The following CTTN variants were observed in gnomAD, a reference collection of about 807,000 sequenced individuals.
CTTN encodes cortactin.
Under a neutral mutation model 84.0 loss-of-function variants are expected in CTTN, and 28 were observed. The ratio of observed to expected loss-of-function variants is 0.33; its 90% CI spans 0.25 to 0.46. CTTN has a LOEUF of 0.46. Among genes scored for constraint, CTTN ranks in the 20% least tolerant of loss-of-function variants. The pLI is 1.00. For missense variants in CTTN, 641 were observed against 723.8 expected (o/e 0.89, Z 1.31); for synonymous variants, 301 against 288.8 (o/e 1.04, Z -0.43).
At position 70,435,154 on chromosome 11, in the gene CTTN, C is replaced by T. The variant is rs758711843; in HGVS notation, c.1645C>T (p.Arg549Trp). Reference protein sequence around the residue: ...GLFPANYVELRQ With the variant: ...GLFPANYVELWQ The stretch of plus-strand genomic sequence containing the variant: ...CTTCCCAGCCAACTATGTGGAGCTG[C>T]GGCAGTAGGGCCCCCAGCCCCCCCC... Residue 549 changes from arginine to tryptophan, a missense_variant, in exon 18 of 18, where the codon CGG becomes TGG. Arg to Trp is a moderately radical substitution (Grantham distance 101). Coordinates refer to ENST00000301843, the MANE Select transcript of CTTN (RefSeq NM_005231.4). The T allele has an allele frequency of 3.1e-6, 5 of 1,601,562 alleles. No individual in the cohort carries two copies. The highest frequency in any genetic ancestry group is 2.3e-5 in the East Asian group (1 of 44,164).
chr11:70,422,696 C>T, intron 11 of CTTN: 2 of 1,441,648 alleles, frequency 1.4e-6, no homozygotes, highest in East Asian at 3.0e-5. Flanking sequence ...CCTGCCCCTC[C>T]TGCCCCTCAG....
At chr11:70,403,013 G>C (rs2058004122) in intron 1 of CTTN, among the ~76,000 whole-genome samples, 1 of 152,208 alleles carries the variant, frequency 6.6e-6, no homozygotes, top group Middle Eastern at 3.4e-3. Context: ...TGGGTATGAG[G>C]TGGGTTCTCA....
intron 14 of CTTN, among the ~76,000 whole-genome samples, chr11:70,430,557 A>G (rs1591450901): frequency 6.6e-6 from 1 of 152,282 alleles, no homozygotes; most frequent in East Asian, 1.9e-4. Context: ...CAGGCAGTCC[A>G]GAGTTCTCCC....
chr11:70,422,454 C>T (rs770188445), intron 11 of CTTN: 12 of 1,224,688 alleles, frequency 9.8e-6, no homozygotes, highest in South Asian at 6.3e-5. Flanking sequence ...GTTGCTGCAA[C>T]GGAAGTCTTT....
At chr11:70,415,615 T>C (rs1413751331) in intron 6 of CTTN, 48 bp from the exon 7 acceptor site, 1 of 1,479,492 alleles carries the variant, frequency 6.8e-7, no homozygotes, top group Non-Finnish European at 9.5e-7. Flanking sequence ...TTCAGGGACA[T>C]TGGAAAGTAT....
In CTTN at chr11:70,435,267, T is replaced by C; in HGVS notation, c.*105T>C. The stretch of plus-strand genomic sequence containing the variant: ...GGGTTTTTTCTGTTTTTTTTTTTTT[T>C]TTTTTTTTTTTGAAGGTGGGGAGGG... On this transcript the variant is annotated 3_prime_UTR_variant, in exon 18 of 18. Transcript: ENST00000301843. 13 of 1,390,956 alleles carry C rather than the reference T, an allele frequency of 9.3e-6. No individual in the cohort carries two copies. The highest frequency in any genetic ancestry group is 1.2e-5 in the Non-Finnish European group (13 of 1,077,942). 86.2% of individuals were successfully genotyped at this position (1,390,956 alleles called of 1,614,324 possible).
At chr11:70,426,916 A>G (rs1014978217) in intron 13 of CTTN, among the ~76,000 whole-genome samples, 1 of 151,592 alleles carries the variant, frequency 6.6e-6, no homozygotes, top group African/African-American at 2.4e-5. Context: ...TTTTATCTTT[A>G]GTAGAGATGA....
chr11:70,421,343 C>A lies in CTTN; in HGVS notation c.791-127C>A, dbSNP rs1325514872. ...GAGCCTGGGAGTAGGATCTCAAAGG[C>A]CCTAAGCTCAGGAGAGCCCTTGCTT... On this transcript the variant is annotated intron_variant, in intron 10 of 17. Coordinates refer to ENST00000301843, the MANE Select transcript of CTTN (RefSeq NM_005231.4). The A allele has an allele frequency of 4.1e-6, 3 of 733,880 alleles. No individual in the cohort carries two copies. In the African/African-American group the frequency reaches 5.2e-5, roughly 13 times the overall value. The allele number at this position is 733,880 out of a possible 1,614,324, so 45.5% of individuals were successfully genotyped here. A position where few individuals can be genotyped will look rare whatever the true frequency, so the allele number is the denominator to read the frequency against.
At chr11:70,423,124 G>A in intron 12 of CTTN, 129 bp downstream of exon 12, 1 of 1,152,650 alleles carries the variant, frequency 8.7e-7, no homozygotes, top group African/African-American at 1.5e-5. Context: ...GGTGGTGGTG[G>A]TGGTGGCGAT....
chr11:70,408,768 G>A (rs2058070339), intron 4 of CTTN, among the ~76,000 whole-genome samples: 1 of 152,160 alleles, frequency 6.6e-6, no homozygotes, highest in African/African-American at 2.4e-5. Context: ...TTCCACAGAA[G>A]CAGCTTCGGA....
chr11:70,422,496 T>C, intron 11 of CTTN: 1 of 1,289,680 alleles, frequency 7.8e-7, no homozygotes, highest in Non-Finnish European at 1.0e-6. Flanking sequence ...GATTTTTTTT[T>C]TCTCTTAAAA....
chr11:70,413,246 G>T (rs1251815113), intron 5 of CTTN, among the ~76,000 whole-genome samples: 1 of 152,206 alleles, frequency 6.6e-6, no homozygotes, highest in East Asian at 1.9e-4. Flanking sequence ...TAGCATGAGT[G>T]GCTCCACATG....
At chr11:70,427,130 A>C (rs1177571312) in intron 13 of CTTN, among the ~76,000 whole-genome samples, 1 of 151,700 alleles carries the variant, frequency 6.6e-6, no homozygotes, top group Non-Finnish European at 1.5e-5. Flanking sequence ...TGGGTGGATC[A>C]CCTGAGGTCA....
chr11:70,423,495 C>T (rs2058266135), intron 12 of CTTN, among the ~76,000 whole-genome samples: 1 of 152,222 alleles, frequency 6.6e-6, no homozygotes, highest in African/African-American at 2.4e-5. Context: ...GTGGCAGGGT[C>T]AGTCCTTGCC....
Position 70,436,446 on chromosome 11 carries a change from C to G in CTTN, c.*1284C>G. The G allele has an allele frequency of 1.3e-6, 2 of 1,578,026 alleles. No homozygotes were observed. The highest frequency in any genetic ancestry group is 1.1e-5 in the South Asian group (1 of 90,036). ...CTCCTGAGGTGCATTTTCTCATCAT[C>G]CTTGCTTTACCACAATGAGCAATGA... On this transcript the variant is annotated 3_prime_UTR_variant, in exon 18 of 18. Transcript: ENST00000301843.
chr11:70,419,084 C>T (rs1307203509), intron 8 of CTTN, among the ~76,000 whole-genome samples: 1 of 145,570 alleles, frequency 6.9e-6, no homozygotes, highest in Non-Finnish European at 1.5e-5. Flanking sequence ...CTCTGCTGTA[C>T]TTTAAAAAAA....
chr11:70,415,002 C>G (rs2058141359), intron 6 of CTTN, among the ~76,000 whole-genome samples: 1 of 152,124 alleles, frequency 6.6e-6, no homozygotes, highest in Non-Finnish European at 1.5e-5. Context: ...ACCGGGGGGG[C>G]AGGATGCGCT....
At chr11:70,411,449 C>A (rs555487456) in intron 5 of CTTN, among the ~76,000 whole-genome samples, 3 of 152,148 alleles carry the variant, frequency 2.0e-5, no homozygotes, top group East Asian at 3.9e-4. Context: ...CACGGACAGA[C>A]GGAATCCATG....
intron 12 of CTTN, among the ~76,000 whole-genome samples, chr11:70,423,611 C>T (rs917960218): frequency 2.0e-5 from 3 of 152,070 alleles, no homozygotes; most frequent in African/African-American, 4.8e-5. Context: ...TGAGGGCAGG[C>T]GCGAGTTCAC....
Sources: allele counts gnomAD v4.1 joint callset (sites outside exome capture counted in the v4.1 genomes callset), GRCh38; gene constraint gnomAD v4.1.1; transcripts MANE v1.5; gene names NCBI Gene and HGNC (gene_info 2026-07-23, HGNC 2026-07-21).